ZNF385D: variants seen among roughly 807,000 people sequenced by gnomAD.
The protein encoded by ZNF385D is zinc finger protein 659.
Under a neutral mutation model 35.8 loss-of-function variants are expected in ZNF385D, and 15 were observed. The observed-to-expected ratio is 0.42, with a 90% CI of 0.28 to 0.64. ZNF385D has a LOEUF of 0.64. Ranked by LOEUF, ZNF385D falls within the 30% of genes least tolerant of loss-of-function variation. The pLI is 0.23. For synonymous variants in ZNF385D, 212 were observed against 186.8 expected, an observed-to-expected ratio of 1.13 and a Z score of -1.10; for missense variants, 474 against 494.6, an observed-to-expected ratio of 0.96 and a Z score of 0.39.
intron 3 of ZNF385D, among the ~76,000 whole-genome samples, chr3:22,127,316 GCTTTTTTTTTTT>G (rs1703492333): frequency 1.3e-5 from 1 of 76,080 alleles, no homozygotes; most frequent in East Asian, 3.5e-4. Context: ...TTCATTTCCT[GCTTTTTTTTTTT>G]TTTTTTTTTT....
chr3:22,316,243 C>T (rs1051709738), intron 2 of ZNF385D, among the ~76,000 whole-genome samples: 1 of 152,176 alleles, frequency 6.6e-6, no homozygotes, highest in African/African-American at 2.4e-5. Context: ...CCATAAAAAA[C>T]CCCAGCCTTT....
chr3:21,627,027 T>A (rs1480035834), intron 2 of ZNF385D, among the ~76,000 whole-genome samples: 3 of 151,376 alleles, frequency 2.0e-5, no homozygotes, highest in Non-Finnish European at 4.4e-5. Flanking sequence ...AATATAAAAC[T>A]TTTTTTTGGA....
intron 3 of ZNF385D, among the ~76,000 whole-genome samples, chr3:22,037,083 T>G (rs1398169470): frequency 6.6e-6 from 1 of 152,122 alleles, no homozygotes; most frequent in Non-Finnish European, 1.5e-5. Flanking sequence ...GGTGTATATG[T>G]GCCACATTTT....
At chr3:21,907,141 C>T (rs562680513) in intron 3 of ZNF385D, among the ~76,000 whole-genome samples, 5 of 152,212 alleles carry the variant, frequency 3.3e-5, no homozygotes, top group South Asian at 4.2e-4. Context: ...AATAGGCAGT[C>T]GGGCAATCCA....
rs560959496 is a variant in ZNF385D, at chr3:21,768,800, G to A, written c.326-103772C>T. Among the ~76,000 whole-genome samples, 57 of 151,928 alleles carry A rather than the reference G, an allele frequency of 3.8e-4. No homozygotes were observed. The South Asian group carries it at 0.012, about 31-fold the overall frequency. Reference sequence around the variant, plus strand: ...CCCATTGAAATGAGTTTCAGCTGGGGACGAACGCCCCATCCCCAGTTGAAA... The same window carrying A: ...CCCATTGAAATGAGTTTCAGCTGGGAACGAACGCCCCATCCCCAGTTGAAA... On this transcript the variant is annotated intron_variant, in intron 3 of 5. Coordinates refer to the ZNF385D transcript ENST00000494108.
At chr3:21,861,703 C>T (rs1697062356) in intron 3 of ZNF385D, among the ~76,000 whole-genome samples, 3 of 152,010 alleles carry the variant, frequency 2.0e-5, no homozygotes, top group Admixed American at 2.0e-4. Context: ...GGTTGTCTCC[C>T]CAGGAGCAAT....
chr3:22,018,405 C>A (rs1697017431), intron 3 of ZNF385D, among the ~76,000 whole-genome samples: 2 of 151,796 alleles, frequency 1.3e-5, no homozygotes, highest in South Asian at 2.1e-4. Flanking sequence ...ATCTTTGTAA[C>A]TTTTCCTGGT....
intron 3 of ZNF385D, among the ~76,000 whole-genome samples, chr3:21,955,736 G>A (rs954397140): frequency 1.3e-5 from 2 of 152,168 alleles, no homozygotes; most frequent in Non-Finnish European, 2.9e-5. Flanking sequence ...TTGAGTTATG[G>A]TGGTAAGAGG....
chr3:21,592,801 C>T (rs1422975430), intron 2 of ZNF385D, among the ~76,000 whole-genome samples: 1 of 152,092 alleles, frequency 6.6e-6, no homozygotes, highest in Non-Finnish European at 1.5e-5. Context: ...TAGAATCTGT[C>T]AAACAAAGTA....
chr3:21,571,831 G>C (rs1490619836), intron 2 of ZNF385D, among the ~76,000 whole-genome samples: 1 of 152,156 alleles, frequency 6.6e-6, no homozygotes, highest in Non-Finnish European at 1.5e-5. Flanking sequence ...TCAATGAAGA[G>C]ACACATAGGG....
chr3:22,306,003 C>G (rs1478163949), intron 2 of ZNF385D, among the ~76,000 whole-genome samples: 1 of 152,136 alleles, frequency 6.6e-6, no homozygotes, highest in African/African-American at 2.4e-5. Context: ...CTCCTTTTAG[C>G]TGTTTCTCCT....
intron 3 of ZNF385D, among the ~76,000 whole-genome samples, chr3:22,083,512 TGAGAA>T (rs1442074331): frequency 4.0e-5 from 6 of 151,256 alleles, no homozygotes; most frequent in Non-Finnish European, 7.4e-5. Context: ...ATAAATGAAG[TGAGAA>T]GAGAAGTTTA....
At chr3:21,721,381 G>A (rs531474887) in intron 1 of ZNF385D, among the ~76,000 whole-genome samples, 1 of 151,892 alleles carries the variant, frequency 6.6e-6, no homozygotes, top group East Asian at 1.9e-4. Flanking sequence ...TCTCTCGGTG[G>A]TCTAAAATAG....
chr3:21,999,781 A>AT (rs1222382563), intron 3 of ZNF385D, among the ~76,000 whole-genome samples: 11 of 124,788 alleles, frequency 8.8e-5, no homozygotes, highest in African/African-American at 2.0e-4. Flanking sequence ...AAAAAAAAAA[A>AT]AAATAATAAT....
At chr3:22,066,694 C>G (rs991134850) in intron 3 of ZNF385D, among the ~76,000 whole-genome samples, 1 of 151,886 alleles carries the variant, frequency 6.6e-6, no homozygotes, top group Admixed American at 6.6e-5. Context: ...AGAGGAAAAT[C>G]TAGTTAGGAA....
intron 2 of ZNF385D, among the ~76,000 whole-genome samples, chr3:22,214,398 C>G (rs963854414): frequency 1.3e-5 from 2 of 152,016 alleles, no homozygotes; most frequent in Admixed American, 6.6e-5. Context: ...AATATGAAAT[C>G]TGGGCACCTT....
chr3:21,692,547 C>T (rs1177593041), intron 1 of ZNF385D, among the ~76,000 whole-genome samples: 3 of 152,202 alleles, frequency 2.0e-5, no homozygotes, highest in African/African-American at 7.2e-5. Context: ...CTCAACCCTC[C>T]TCTTCCTACT....
chr3:21,730,379 C>A (rs1309963599), intron 1 of ZNF385D, among the ~76,000 whole-genome samples: 1 of 152,178 alleles, frequency 6.6e-6, no homozygotes, highest in African/African-American at 2.4e-5. Flanking sequence ...ATGTGGGAAG[C>A]TTTTGCACAT....
intron 3 of ZNF385D, among the ~76,000 whole-genome samples, chr3:21,885,906 T>C (rs2125872329): frequency 6.6e-6 from 1 of 152,108 alleles, no homozygotes; most frequent in East Asian, 1.9e-4. Flanking sequence ...TGGAGGTCAG[T>C]CTTTGTCTAT....
Sources: gnomAD v4.1 joint callset for allele counts (sites outside exome capture counted in the v4.1 genomes callset) on GRCh38, gnomAD v4.1.1 for gene constraint, MANE v1.5 for transcripts, NCBI Gene and HGNC (gene_info 2026-07-23, HGNC 2026-07-21) for gene names.